SH3BP2: variants seen among roughly 807,000 people sequenced by gnomAD.
The protein encoded by SH3BP2 is SH3 domain-binding protein 2.
Under a neutral mutation model 56.2 loss-of-function variants are expected in SH3BP2, and 38 were observed. The ratio of observed to expected loss-of-function variants is 0.68; its 90% CI spans 0.52 to 0.89. The LOEUF (loss-of-function observed/expected upper bound fraction) is 0.89. Ranked by LOEUF, SH3BP2 falls within the 40% of genes least tolerant of loss-of-function variation. The probability of loss-of-function intolerance (pLI) is 0.00; values close to 1 mark genes in which losing one functional copy is unlikely to be tolerated. For synonymous variants in SH3BP2, 346 were observed against 316.7 expected (o/e 1.09, Z -0.98); for missense variants, 748 against 762.6 (o/e 0.98, Z 0.23).
At chr4:2,800,100 G>T (rs1476794457) in intron 1 of SH3BP2, among the ~76,000 whole-genome samples, 3 of 152,066 alleles carry the variant, frequency 2.0e-5, no homozygotes, top group African/African-American at 7.2e-5. Context: ...GCAGAAGGCT[G>T]GGTGGGAGTG....
At chr4:2,796,306 T>G (rs2108693625) in intron 1 of SH3BP2, 2 of 575,814 alleles carry the variant, frequency 3.5e-6, no homozygotes, top group South Asian at 1.5e-4. Flanking sequence ...CAGACAGGAG[T>G]TCGAGGTGGT....
At chr4:2,832,162 A>G (rs767896365) in intron 10 of SH3BP2, 169 bp from the exon 11 acceptor site, 4 of 958,162 alleles carry the variant, frequency 4.2e-6, no homozygotes, top group African/African-American at 1.6e-5. Context: ...CTGGCTGGCC[A>G]GGGCTCTGCT....
rs753438613 is a variant in SH3BP2 at position 2,831,925 on chromosome 4, G to A, written c.1353G>A (p.Val451=). The A allele has an allele frequency of 1.1e-5, 18 of 1,612,636 alleles. No homozygotes were observed. Among genetic ancestry groups the A allele is most frequent in the Middle Eastern group, 1.6e-4 (1 of 6,084 alleles). Residue 451 remains valine, a splice_region_variant and synonymous_variant, in exon 10 of 13, where the codon GTG becomes GTA. Coordinates refer to ENST00000503393, the MANE Select transcript of SH3BP2 (RefSeq NM_001122681.2). This position sits in a 1 kb window ranked among gnomAD's most constrained non-coding sequence, Gnocchi z 4.1. The part of the protein sequence containing the change: ...GDDSDEDYEK[V]PLPNSVFVNT... The stretch of plus-strand genomic sequence containing the variant: ...CTGACACCGTCAGCCTCTTGCAGGT[G>A]CCACTGCCCAACTCGGTCTTCGTCA...
intron 1 of SH3BP2, among the ~76,000 whole-genome samples, chr4:2,820,307 C>A (rs1045702916): frequency 1.3e-5 from 2 of 152,204 alleles, no homozygotes; most frequent in African/African-American, 4.8e-5. Flanking sequence ...CCCCGTGGGG[C>A]CTTGCGCTCA....
At chr4:2,832,608 A>G (rs1246761544) in intron 11 of SH3BP2, among the ~76,000 whole-genome samples, 196 bp downstream of exon 11, 1 of 152,096 alleles carries the variant, frequency 6.6e-6, no homozygotes. Flanking sequence ...GGGGGCCATG[A>G]TGGCCACCTC....
At chr4:2,793,589 C>T (rs1344871001) in intron 1 of SH3BP2, 9 of 151,760 alleles carry the variant, frequency 5.9e-5, no homozygotes, top group African/African-American at 2.2e-4. Context: ...CCCCTCGCGC[C>T]CCTCTGGCCC....
At chr4:2,813,263 C>G (rs1242587111) in intron 1 of SH3BP2, among the ~76,000 whole-genome samples, 3 of 152,260 alleles carry the variant, frequency 2.0e-5, no homozygotes, top group Non-Finnish European at 4.4e-5. Flanking sequence ...GTGCGCCAAG[C>G]TGGGCCGTGG....
In SH3BP2 at chr4:2,831,768, C is replaced by G. The variant is rs530707121; in HGVS notation, c.1350+89C>G. 1 of 1,367,186 alleles carries G rather than the reference C, an allele frequency of 7.3e-7. No homozygotes were observed. The allele number at this position is 1,367,186 out of a possible 1,614,324, so 84.7% of individuals were successfully genotyped here. A position where few individuals can be genotyped will look rare whatever the true frequency, so the allele number is the denominator to read the frequency against. ...TAGGCCAGGGCGGCCCCTCACAGAC[C>G]GTCCTGAGCAAGGACCCCCCGAGAA... On this transcript the variant is annotated intron_variant, in intron 9 of 12. Coordinates refer to ENST00000503393, the MANE Select transcript of SH3BP2 (RefSeq NM_001122681.2). This position sits in a 1 kb window ranked among gnomAD's most constrained non-coding sequence, Gnocchi z 4.1.
At chr4:2,797,704 C>T (rs574196046) in intron 1 of SH3BP2, among the ~76,000 whole-genome samples, 8 of 152,144 alleles carry the variant, frequency 5.3e-5, no homozygotes, top group Non-Finnish European at 1.0e-4. Context: ...GTGACCTGTC[C>T]GCCTGCCCCT....
chr4:2,827,493 C>A, intron 6 of SH3BP2, 113 bp from the exon 7 acceptor site: 1 of 1,245,430 alleles, frequency 8.0e-7, no homozygotes, highest in Non-Finnish European at 1.2e-6. Context: ...ACTCACAGTC[C>A]TCCCAGCAGG....
chr4:2,827,090 T>G, intron 5 of SH3BP2, 140 bp from the exon 6 acceptor site: 1 of 723,982 alleles, frequency 1.4e-6, no homozygotes. Flanking sequence ...CATGTGTGCA[T>G]GTGTTTGTCA....
At chr4:2,804,580 T>C (rs1419069066) in intron 1 of SH3BP2, among the ~76,000 whole-genome samples, 1 of 152,176 alleles carries the variant, frequency 6.6e-6, no homozygotes, top group Non-Finnish European at 1.5e-5. Context: ...GCTTCCTCCC[T>C]GTACCCCACA....
chr4:2,815,329 G>A (rs1020192208), intron 1 of SH3BP2, among the ~76,000 whole-genome samples: 4 of 152,220 alleles, frequency 2.6e-5, no homozygotes, highest in Admixed American at 1.3e-4. Context: ...GGGTGTCAGC[G>A]TCTGTCCCTG....
intron 1 of SH3BP2, among the ~76,000 whole-genome samples, chr4:2,819,606 C>T (rs1448105429): frequency 6.6e-6 from 1 of 152,122 alleles, no homozygotes; most frequent in Non-Finnish European, 1.5e-5. Flanking sequence ...TGACCCTACC[C>T]AGGATGGAGT....
chr4:2,823,098 G>A (rs1724398371), intron 3 of SH3BP2, 61 bp downstream of exon 3: 5 of 1,244,112 alleles, frequency 4.0e-6, no homozygotes, highest in Non-Finnish European at 4.7e-6. Flanking sequence ...CCTCCCAGCA[G>A]AGCCCCAGCT....
chr4:2,795,170 G>A (rs185638331), intron 1 of SH3BP2, among the ~76,000 whole-genome samples: 5 of 152,256 alleles, frequency 3.3e-5, no homozygotes, highest in Admixed American at 2.6e-4. Context: ...TGCTCTCCCT[G>A]GTCCTCAGGG....
At position 2,829,551 on chromosome 4, in the gene SH3BP2, A is replaced by G; in HGVS notation, c.645A>G (p.Pro215=). Residue 215 remains proline, a synonymous_variant, in exon 8 of 13, where the codon CCA becomes CCG. Transcript: ENST00000503393. This position sits in a 1 kb window ranked among gnomAD's most constrained non-coding sequence, Gnocchi z 4.9. Reference sequence around the variant, plus strand: ...CCCCAGTGCCCACGCCCAGGAAGCCAGCCTTCTCTGACATGCCCCGGGCCC... The same window carrying G: ...CCCCAGTGCCCACGCCCAGGAAGCCGGCCTTCTCTGACATGCCCCGGGCCC... The part of the protein sequence containing the change: ...PPPPVPTPRK[P]AFSDMPRAHS... The G allele has an allele frequency of 1.2e-6, 2 of 1,612,726 alleles. No homozygotes were observed. Among genetic ancestry groups the G allele is most frequent in the Admixed American group, 3.3e-5 (2 of 59,970 alleles).
intron 2 of SH3BP2, 71 bp downstream of exon 2, chr4:2,820,824 C>T: frequency 1.4e-6 from 2 of 1,452,832 alleles, no homozygotes; most frequent in Non-Finnish European, 1.9e-6. Context: ...AAGTAAGCAT[C>T]CTCTCCAAGC....
Position 2,838,944 on chromosome 4 carries a change from G to A in SH3BP2, c.*5110G>A, listed in dbSNP as rs1443685308. 2.0e-5 allele frequency: 3 copies of A among 152,050 alleles called. 1 individual carries two copies. Among genetic ancestry groups the A allele is most frequent in the Non-Finnish European group, 4.4e-5 (3 of 68,012 alleles). 9.4% of individuals were successfully genotyped at this position (152,050 alleles called of 1,614,324 possible). On this transcript the variant is annotated 3_prime_UTR_variant, in exon 13 of 13. Transcript: ENST00000503393. The stretch of plus-strand genomic sequence containing the variant: ...CTTTCTAAATATTGTTCTAGTTTAC[G>A]TGCCCACCAGCAGTAAAACAGAATT...
Sources: gnomAD v4.1 joint callset for allele counts (sites outside exome capture counted in the v4.1 genomes callset) on GRCh38, gnomAD v4.1.1 for gene constraint, Gnocchi (gnomAD v3.1) non-coding constraint, MANE v1.5 for transcripts, NCBI Gene and HGNC (gene_info 2026-07-23, HGNC 2026-07-21) for gene names.